Variants in POLR3F observed in about 807,000 individuals in gnomAD.
The protein encoded by POLR3F is DNA-directed RNA polymerase III subunit RPC6.
POLR3F carries 31 observed loss-of-function variants against 43.6 expected under a neutral mutation model. The ratio of observed to expected loss-of-function variants is 0.71; its 90% CI spans 0.53 to 0.96. The LOEUF (loss-of-function observed/expected upper bound fraction) is 0.96. POLR3F is among the 40% of genes least tolerant of loss of function. The probability of loss-of-function intolerance (pLI) is 0.00; values close to 1 mark genes in which losing one functional copy is unlikely to be tolerated. For missense variants in POLR3F, 316 were observed against 391.7 expected (o/e 0.81, Z 1.63); for synonymous variants, 114 against 132.5 (o/e 0.86, Z 0.96).
In POLR3F at chr20:18,477,722, C is replaced by T. The variant is rs557854907; in HGVS notation, c.430-2316C>T. On this transcript the variant is annotated intron_variant, in intron 5 of 8. Transcript: ENST00000377603. ...TGTATGATTACAACTATATGACATA[C>T]TGGAAAAGGCAAAACTAGACAGACT... Among the ~76,000 whole-genome samples the T allele has an allele frequency of 2.6e-5, 4 of 152,250 alleles. No homozygotes were observed. In the South Asian group the frequency reaches 8.3e-4, roughly 32 times the overall value.
At chr20:18,475,322 G>T (rs1415772817) in intron 5 of POLR3F, 135 bp downstream of exon 5, 2 of 518,210 alleles carry the variant, frequency 3.9e-6, no homozygotes, top group Non-Finnish European at 7.0e-6. Flanking sequence ...GTTTGGAGAT[G>T]CTGCTTAGAC....
In POLR3F at chr20:18,483,045, C is replaced by T. The variant is rs1339976584; in HGVS notation, c.874-436C>T. ...CTAACTTGATGATCACAAAGCAGGC[C>T]CTATTATAGTATGTTCTTCCCGCTC... On this transcript the variant is annotated intron_variant, in intron 8 of 8. Transcript: ENST00000377603. 3.3e-5 allele frequency among the ~76,000 whole-genome samples: 5 copies of T among 152,080 alleles called. No individual in the cohort carries two copies. The South Asian group carries it at 8.3e-4, about 25-fold the overall frequency.
At position 18,472,843 on chromosome 20, in the gene POLR3F, G is replaced by C; in HGVS notation, c.182G>C (p.Gly61Ala). 7.1e-7 allele frequency: 1 copy of C among 1,404,096 alleles called. No individual in the cohort carries two copies. Among genetic ancestry groups the C allele is most frequent in the Non-Finnish European group, 9.8e-7 (1 of 1,016,964 alleles). 87.0% of individuals were successfully genotyped at this position (1,404,096 alleles called of 1,614,324 possible). A position where few individuals can be genotyped will look rare whatever the true frequency, so the allele number is the denominator to read the frequency against. ...GTTTTCTACTGTCTTAAAAACTAGGGTCAGTTGGATCTCTTAAGGAGCAAT... is the reference window on the plus strand; with the variant it reads ...GTTTTCTACTGTCTTAAAAACTAGGCTCAGTTGGATCTCTTAAGGAGCAAT... Reference protein sequence around the residue: ...AVAINRLLSMGQLDLLRSNTG... With the variant: ...AVAINRLLSMAQLDLLRSNTG... The change falls in exon 3 of 9, where the codon GGT becomes GCT. Residue 61 changes from glycine (G) to alanine (A), a missense_variant and splice_region_variant. Coordinates refer to ENST00000377603, the MANE Select transcript of POLR3F (RefSeq NM_006466.4).
Position 18,484,328 on chromosome 20 carries a change from T to C in POLR3F, c.*770T>C. 5.1e-6 allele frequency: 2 copies of C among 392,066 alleles called. No homozygotes were observed. Among genetic ancestry groups the C allele is most frequent in the Non-Finnish European group, 9.0e-6 (2 of 222,400 alleles). The allele number at this position is 392,066 out of a possible 1,614,324, so 24.3% of individuals were successfully genotyped here. On this transcript the variant is annotated 3_prime_UTR_variant, in exon 9 of 9. Transcript: ENST00000377603. ...GAATTTACCCTAGATTCTTATTTAA[T>C]GTCTGCAGTAGACTGAATGTTTGTG...
At chr20:18,473,005 T>G in intron 3 of POLR3F, 96 bp downstream of exon 3, 1 of 590,754 alleles carries the variant, frequency 1.7e-6, no homozygotes, top group East Asian at 3.0e-5. Context: ...AAACCTGTCC[T>G]GTGTATCATC....
At chr20:18,472,069 G>T (rs934900993) in intron 2 of POLR3F, among the ~76,000 whole-genome samples, 4 of 152,130 alleles carry the variant, frequency 2.6e-5, no homozygotes, top group African/African-American at 9.7e-5. Context: ...ATAATTATCT[G>T]GGTTCTCTTA....
chr20:18,472,656 C>A (rs1199972814), intron 2 of POLR3F, among the ~76,000 whole-genome samples, 186 bp from the exon 3 acceptor site: 2 of 151,736 alleles, frequency 1.3e-5, no homozygotes, highest in Non-Finnish European at 2.9e-5. Context: ...ATTCTTTATG[C>A]ATTGATCATA....
At chr20:18,474,527 T>C (rs7262620) in intron 4 of POLR3F, among the ~76,000 whole-genome samples, 2 of 149,080 alleles carry the variant, frequency 1.3e-5, no homozygotes, top group East Asian at 3.9e-4. Context: ...ATTTTTTTTT[T>C]CTTTTTTTTG....
At position 18,481,632 on chromosome 20, in the gene POLR3F, T is replaced by G. The variant is rs139273426; in HGVS notation, c.695T>G (p.Met232Arg). Residue 232 changes from methionine to arginine, a missense_variant, in exon 8 of 9, where the codon ATG becomes AGG. Coordinates refer to ENST00000377603, the MANE Select transcript of POLR3F (RefSeq NM_006466.4). ...ELGISKVELS[M>R]EDIETILNTL... ...TCCCTTTTTTAGGTAGAGTTATCCA[T>G]GGAAGACATTGAAACCATCCTGAAT... 1 of 1,605,964 alleles carries G rather than the reference T, an allele frequency of 6.2e-7. No homozygotes were observed. Among genetic ancestry groups the G allele is most frequent in the African/African-American group, 1.3e-5 (1 of 74,800 alleles).
At position 18,479,018 on chromosome 20, in the gene POLR3F, G is replaced by A. The variant is rs146382468; in HGVS notation, c.430-1020G>A. Among the ~76,000 whole-genome samples the A allele has an allele frequency of 7.9e-3, 1,198 of 152,098 alleles. 24 individuals carry two copies. The highest frequency in any genetic ancestry group is 0.024 in the Admixed American group (362 of 15,278). Reference sequence around the variant, plus strand: ...AAATTAGCTGGGCATAGTGACGGGCGCCTGTAATCCCAGCTACTCGGGAGG... The same window carrying A: ...AAATTAGCTGGGCATAGTGACGGGCACCTGTAATCCCAGCTACTCGGGAGG... On this transcript the variant is annotated intron_variant, in intron 5 of 8. Coordinates refer to ENST00000377603, the MANE Select transcript of POLR3F (RefSeq NM_006466.4).
At chr20:18,479,893 G>T in intron 5 of POLR3F, 145 bp from the exon 6 acceptor site, 1 of 524,954 alleles carries the variant, frequency 1.9e-6, no homozygotes, top group East Asian at 3.2e-5. Context: ...GTTAAAAATA[G>T]GGGAAACAGC....
Position 18,469,080 on chromosome 20 carries a change from T to G in POLR3F, c.180+19T>G. On this transcript the variant is annotated intron_variant, in intron 2 of 8. Transcript: ENST00000377603. ...GTCTATGGTAAGGTGAATCTAACTA[T>G]TTTGCATAATTACTGATATGCTGAT... 1 of 1,051,258 alleles carries G rather than the reference T, an allele frequency of 9.5e-7. No individual in the cohort carries two copies. Among genetic ancestry groups the G allele is most frequent in the Non-Finnish European group, 1.5e-6 (1 of 666,122 alleles). 65.1% of individuals were successfully genotyped at this position (1,051,258 alleles called of 1,614,324 possible). A position where few individuals can be genotyped will look rare whatever the true frequency, so the allele number is the denominator to read the frequency against.
At chr20:18,479,954 C>T (rs2059801265) in intron 5 of POLR3F, 84 bp from the exon 6 acceptor site, 2 of 985,710 alleles carry the variant, frequency 2.0e-6, no homozygotes. Flanking sequence ...TTTTGTACAT[C>T]TTAAACTGTT....
chr20:18,481,670 G>A lies in POLR3F; in HGVS notation c.733G>A (p.Asp245Asn). ...AACCATCCTGAATACACTCATTTAT[G>A]ATGGAAAAGTGGAGATGACGATTAT... is the stretch of plus-strand genomic sequence containing the variant. ...IETILNTLIY[D>N]GKVEMTIIAA... Residue 245 changes from aspartate to asparagine, a missense_variant, in exon 8 of 9, where the codon GAT becomes AAT. Around this residue, in one of 3 missense-constraint regions of POLR3F, gnomAD observed 109 missense variants for 177.7 expected, o/e 0.61. Transcript: ENST00000377603. 6.2e-7 allele frequency: 1 copy of A among 1,613,230 alleles called. No individual in the cohort carries two copies. Among genetic ancestry groups the A allele is most frequent in the Middle Eastern group, 1.6e-4 (1 of 6,062 alleles).
intron 2 of POLR3F, chr20:18,470,745 C>T (rs938589670): frequency 2.0e-5 from 3 of 153,622 alleles, no homozygotes; most frequent in Non-Finnish European, 4.4e-5. Context: ...ACCACCCACC[C>T]ACTGCGAGTC....
intron 7 of POLR3F, among the ~76,000 whole-genome samples, chr20:18,480,917 C>A (rs950650029): frequency 6.6e-6 from 1 of 152,132 alleles, no homozygotes; most frequent in African/African-American, 2.4e-5. Flanking sequence ...TTGGACATGT[C>A]ACTTTAATTT....
chr20:18,476,361 T>C (rs781566238), intron 5 of POLR3F, among the ~76,000 whole-genome samples: 14 of 152,250 alleles, frequency 9.2e-5, no homozygotes, highest in Non-Finnish European at 1.3e-4. Context: ...GAATATGTAG[T>C]CTTTTATGTA....
intron 2 of POLR3F, among the ~76,000 whole-genome samples, chr20:18,470,944 T>C (rs543684545): frequency 2.4e-4 from 37 of 152,332 alleles, no homozygotes; most frequent in African/African-American, 8.9e-4. Context: ...GGCTTTTACC[T>C]GGACAGCTGC....
At chr20:18,469,466 T>G in intron 2 of POLR3F, 1 of 158,630 alleles carries the variant, frequency 6.3e-6, no homozygotes, top group Non-Finnish European at 1.4e-5. Context: ...CCCTTTGATC[T>G]GCAACACCAG....
Sources: allele counts gnomAD v4.1 joint callset (sites outside exome capture counted in the v4.1 genomes callset), GRCh38; gene constraint gnomAD v4.1.1; regional missense constraint gnomAD v4.1.1; transcripts MANE v1.5; gene names NCBI Gene and HGNC (gene_info 2026-07-23, HGNC 2026-07-21).